The following CHN2 variants were observed in gnomAD, a reference collection of about 807,000 sequenced individuals.
The protein encoded by CHN2 is chimerin 2.
A neutral mutation model predicts 56.3 loss-of-function variants in CHN2; 35 were observed. The observed-to-expected ratio is 0.62, with a 90% CI of 0.47 to 0.82. The LOEUF is 0.82. Among genes scored for constraint, CHN2 ranks in the 40% least tolerant of loss-of-function variants. The pLI, the probability that CHN2 is intolerant of heterozygous loss-of-function variation, is 0.00. For synonymous variants in CHN2, 210 were observed against 212.8 expected (o/e 0.99, Z 0.12); for missense variants, 491 against 580.5 (o/e 0.85, Z 1.58).
intron 2 of CHN2, among the ~76,000 whole-genome samples, chr7:29,169,993 C>G (rs1335429043): frequency 2.0e-5 from 3 of 151,986 alleles, no homozygotes; most frequent in Admixed American, 2.0e-4. Flanking sequence ...CCTCCTGCCT[C>G]TGCCTCCTAA....
intron 1 of CHN2, among the ~76,000 whole-genome samples, chr7:29,350,673 C>A (rs1439118593): frequency 6.6e-6 from 1 of 152,154 alleles, no homozygotes; most frequent in Non-Finnish European, 1.5e-5. Flanking sequence ...GAGAAGACAA[C>A]AGCACGGGCT....
At chr7:29,152,117 G>A (rs534489102) in intron 2 of CHN2, among the ~76,000 whole-genome samples, 1 of 152,282 alleles carries the variant, frequency 6.6e-6, no homozygotes, top group South Asian at 2.1e-4. Context: ...TGACTCTATA[G>A]CCTCTGAAGG....
intron 2 of CHN2, among the ~76,000 whole-genome samples, chr7:29,185,038 G>A (rs1468450387): frequency 1.3e-5 from 2 of 152,132 alleles, no homozygotes; most frequent in African/African-American, 2.4e-5. Context: ...CAAGCTGAGG[G>A]TTTTATTTTC....
At chr7:29,232,635 A>AAGAAT (rs1191715218) in intron 1 of CHN2, among the ~76,000 whole-genome samples, 1 of 151,604 alleles carries the variant, frequency 6.6e-6, no homozygotes, top group African/African-American at 2.4e-5. Flanking sequence ...ATTTCCATCC[A>AAGAAT]AGAATAGCGG....
chr7:29,195,629 AGTGT>A (rs70980513), intron 1 of CHN2, among the ~76,000 whole-genome samples: 1,755 of 117,410 alleles, frequency 0.015, 44 homozygotes, highest in Admixed American at 0.069. Context: ...AGAGAGAGAG[AGTGT>A]GTGTGTGTGT....
chr7:29,453,236 G>A (rs1784525488), intron 6 of CHN2, among the ~76,000 whole-genome samples: 1 of 152,230 alleles, frequency 6.6e-6, no homozygotes, highest in Admixed American at 6.5e-5. Flanking sequence ...GGCCTGCTGA[G>A]GCCGCTGCAC....
intron 3 of CHN2, among the ~76,000 whole-genome samples, chr7:29,386,907 C>G (rs764192532): frequency 4.6e-5 from 7 of 152,152 alleles, no homozygotes; most frequent in Non-Finnish European, 8.8e-5. Flanking sequence ...AACTGAAGAC[C>G]ATTCAGATAA....
chr7:29,504,635 ATGTT>A (rs1207481649), intron 9 of CHN2, 105 bp from the exon 10 acceptor site: 1 of 691,308 alleles, frequency 1.4e-6, no homozygotes, highest in East Asian at 2.6e-5. Flanking sequence ...ATCACTGTCT[ATGTT>A]TGCTCATTTT....
At chr7:29,234,076 G>A (rs78502208) in intron 1 of CHN2, among the ~76,000 whole-genome samples, 19,427 of 150,542 alleles carry the variant, frequency 0.13, 1,642 homozygotes, top group Non-Finnish European at 0.19. Context: ...CTCGTGATCC[G>A]CCCGCCTCGG....
chr7:29,302,905 G>T (rs1426771309), intron 1 of CHN2, among the ~76,000 whole-genome samples: 1 of 152,196 alleles, frequency 6.6e-6, no homozygotes, highest in African/African-American at 2.4e-5. Flanking sequence ...AGTTTAGCAT[G>T]TTGTAGCACA....
chr7:29,408,364 C>T (rs547739038), intron 6 of CHN2, among the ~76,000 whole-genome samples: 3 of 151,982 alleles, frequency 2.0e-5, no homozygotes, highest in East Asian at 1.9e-4. Flanking sequence ...GAAGGGGAGA[C>T]GAGAGTAAAG....
intron 6 of CHN2, chr7:29,401,147 A>G: frequency 3.6e-6 from 1 of 275,844 alleles, no homozygotes; most frequent in Non-Finnish European, 6.9e-6. Flanking sequence ...GGGCGCCTGT[A>G]GTCCCAGTTA....
At chr7:29,509,540 A>G (rs1379075364) in intron 12 of CHN2, 134 bp downstream of exon 12, 4 of 652,372 alleles carry the variant, frequency 6.1e-6, no homozygotes, top group Non-Finnish European at 8.1e-6. Flanking sequence ...AGGCACTTTC[A>G]GTGTATCATC....
In CHN2 at chr7:29,212,878, C is replaced by G. The variant is rs1055181092; in HGVS notation, c.49+17888C>G. Reference sequence around the variant, plus strand: ...GACTGGTGACCTGACTGGGAACCTTCCAATGTGGAGCAACCAGACCTGGAA... The same window carrying G: ...GACTGGTGACCTGACTGGGAACCTTGCAATGTGGAGCAACCAGACCTGGAA... On this transcript the variant is annotated intron_variant, in intron 1 of 12. Transcript: ENST00000222792. 3.0e-5 allele frequency: 48 copies of G among 1,610,572 alleles called. 1 individual carries two copies. In the African/African-American group the frequency reaches 6.1e-4, roughly 21 times the overall value.
At chr7:29,187,691 G>A (rs1276272308) in intron 2 of CHN2, among the ~76,000 whole-genome samples, 1 of 151,988 alleles carries the variant, frequency 6.6e-6, no homozygotes, top group Non-Finnish European at 1.5e-5. Context: ...TTGCACCATT[G>A]CACTCCAGCC....
intron 6 of CHN2, among the ~76,000 whole-genome samples, chr7:29,443,646 G>A (rs1269501956): frequency 6.6e-6 from 1 of 152,134 alleles, no homozygotes. Flanking sequence ...CTTTTCATGG[G>A]TTGGCTGCAT....
At chr7:29,233,943 C>T (rs1305181805) in intron 1 of CHN2, among the ~76,000 whole-genome samples, 1 of 144,886 alleles carries the variant, frequency 6.9e-6, no homozygotes, top group Non-Finnish European at 1.5e-5. Context: ...ACGCCATTCT[C>T]CTGCCTCAGC....
chr7:29,402,618 G>A (rs1802308644), intron 6 of CHN2, among the ~76,000 whole-genome samples: 1 of 152,198 alleles, frequency 6.6e-6, no homozygotes, highest in Non-Finnish European at 1.5e-5. Flanking sequence ...CTGAATCAGA[G>A]AGCAAAGTCA....
At chr7:29,242,394 G>C (rs1457928824) in intron 1 of CHN2, among the ~76,000 whole-genome samples, 2 of 152,146 alleles carry the variant, frequency 1.3e-5, no homozygotes, top group Non-Finnish European at 2.9e-5. Context: ...AGGGCAATGG[G>C]AGCTGCACAT....
Sources: allele counts gnomAD v4.1 joint callset (sites outside exome capture counted in the v4.1 genomes callset), GRCh38; gene constraint gnomAD v4.1.1; transcripts MANE v1.5; gene names NCBI Gene and HGNC (gene_info 2026-07-23, HGNC 2026-07-21).